KAT7: variants seen among roughly 807,000 people sequenced by gnomAD.
The protein encoded by KAT7 is histone acetyltransferase KAT7.
A neutral mutation model predicts 82.1 loss-of-function variants in KAT7; 10 were observed. The ratio of observed to expected loss-of-function variants is 0.12; its 90% confidence interval spans 0.08 to 0.21. The LOEUF is 0.21. KAT7 is among the 10% of genes least tolerant of loss of function. KAT7 has a pLI of 1.00. For missense variants in KAT7, 378 were observed against 760.9 expected (o/e 0.50, Z 5.92); for synonymous variants, 250 against 262.5 (o/e 0.95, Z 0.46).
intron 7 of KAT7, among the ~76,000 whole-genome samples, chr17:49,814,474 G>C (rs1378300983): frequency 6.6e-6 from 1 of 152,104 alleles, no homozygotes; most frequent in South Asian, 2.1e-4. Flanking sequence ...TGATTGTGAC[G>C]TTCCTTTGAT....
intron 1 of KAT7, among the ~76,000 whole-genome samples, chr17:49,790,391 T>C (rs1393414392): frequency 6.6e-6 from 1 of 152,174 alleles, no homozygotes; most frequent in Non-Finnish European, 1.5e-5. Context: ...GAGACGGGAT[T>C]TCACCATGTT....
intron 2 of KAT7, among the ~76,000 whole-genome samples, chr17:49,792,261 A>G (rs1426739965): frequency 6.6e-6 from 1 of 152,214 alleles, no homozygotes; most frequent in Non-Finnish European, 1.5e-5. Context: ...GGATGGTATA[A>G]TGGATAGAGA....
rs1306161778 is a variant in KAT7 at position 49,830,195 on chromosome 17, TTTTTTTTTTTTTTAA to T, written c.*2694_*2708del. 7.1e-6 allele frequency: 1 copy of T among 140,158 alleles called. No individual in the cohort carries two copies. The highest frequency in any genetic ancestry group is 1.5e-5 in the Non-Finnish European group (1 of 66,080). The allele number at this position is 140,158 out of a possible 1,614,324, so 8.7% of individuals were successfully genotyped here. A position where few individuals can be genotyped will look rare whatever the true frequency, so the allele number is the denominator to read the frequency against. ...ACCCGACCTATTTTTTTTTTTTTTT[TTTTTTTTTTTTTTAA>T]AAAAAGACAGTCTCACTCTATCATC... is the stretch of plus-strand genomic sequence containing the variant. On this transcript the variant is annotated 3_prime_UTR_variant, in exon 15 of 15. Transcript: ENST00000259021.
chr17:49,806,198 C>G lies in KAT7; in HGVS notation c.663+753C>G, dbSNP rs182810014. On this transcript the variant is annotated intron_variant, in intron 5 of 14. Transcript: ENST00000259021. ...TTTGTTGTTACTTTGCTAGTGACAC[C>G]AGGGTCACAGGTTTATTCCTGTCTG... Among the ~76,000 whole-genome samples, 29 of 152,306 alleles carry G rather than the reference C, an allele frequency of 1.9e-4. No homozygotes were observed. In the East Asian group the frequency reaches 4.4e-3, roughly 23 times the overall value.
At position 49,832,323 on chromosome 17, in the gene KAT7, T is replaced by C. The variant is rs1196478966; in HGVS notation, c.*4821T>C. 1 of 152,192 alleles carries C rather than the reference T, an allele frequency of 6.6e-6. No individual in the cohort carries two copies. Among genetic ancestry groups the C allele is most frequent in the Non-Finnish European group, 1.5e-5 (1 of 68,054 alleles). The allele number at this position is 152,192 out of a possible 1,614,324, so 9.4% of individuals were successfully genotyped here. Reference sequence around the variant, plus strand: ...TGATGCTTTTGACTTGTCCTCAACTTTGATTTGTACTGATTTGTCCCTATA... The same window carrying C: ...TGATGCTTTTGACTTGTCCTCAACTCTGATTTGTACTGATTTGTCCCTATA... On this transcript the variant is annotated 3_prime_UTR_variant, in exon 15 of 15. Coordinates refer to ENST00000259021, the MANE Select transcript of KAT7 (RefSeq NM_007067.5).
intron 2 of KAT7, among the ~76,000 whole-genome samples, chr17:49,793,406 G>C (rs962509966): frequency 1.3e-5 from 2 of 152,104 alleles, no homozygotes; most frequent in African/African-American, 4.8e-5. Context: ...GGCATCTGGG[G>C]TTAGATTTGG....
At chr17:49,811,617 T>TCAG (rs2074166808) in intron 7 of KAT7, 43 bp downstream of exon 7, 3 of 990,950 alleles carry the variant, frequency 3.0e-6, no homozygotes, top group Non-Finnish European at 4.3e-6. Context: ...ACTCCTGCTA[T>TCAG]CACATTTGAT....
intron 8 of KAT7, among the ~76,000 whole-genome samples, chr17:49,817,164 T>C (rs1441070774): frequency 6.6e-6 from 1 of 152,232 alleles, no homozygotes; most frequent in East Asian, 1.9e-4. Context: ...TTGTTTAGTT[T>C]TAGAATACTT....
At chr17:49,824,155 G>A (rs1427794492) in intron 12 of KAT7, among the ~76,000 whole-genome samples, 1 of 152,140 alleles carries the variant, frequency 6.6e-6, no homozygotes, top group Non-Finnish European at 1.5e-5. Flanking sequence ...AGGCTTGCAG[G>A]AACCTAACCC....
rs950685175 is a variant in KAT7 at position 49,831,462 on chromosome 17, A to T, written c.*3960A>T. 6.6e-6 allele frequency: 1 copy of T among 152,138 alleles called. No individual in the cohort carries two copies. The highest frequency in any genetic ancestry group is 2.4e-5 in the African/African-American group (1 of 41,400). The allele number at this position is 152,138 out of a possible 1,614,324, so 9.4% of individuals were successfully genotyped here. ...TTTTCTTCATTCCTCACCACAGCAC[A>T]GTAAGGTGGATATTATAGTCTTCTT... On this transcript the variant is annotated 3_prime_UTR_variant, in exon 15 of 15. Transcript: ENST00000259021.
intron 14 of KAT7, 115 bp from the exon 15 acceptor site, chr17:49,827,286 C>T: frequency 1.5e-6 from 1 of 671,748 alleles, no homozygotes; most frequent in African/African-American, 1.8e-5. Flanking sequence ...TTTTGATACC[C>T]TAATATGTTG....
rs1274946560 is a variant in KAT7 at position 49,832,928 on chromosome 17, A to G, written c.*5426A>G. ...GTTTTGCCTCAGCACTTTCTTTCAC[A>G]AAATTATGTGTGACTGCCTCCTCCA... is the stretch of plus-strand genomic sequence containing the variant. On this transcript the variant is annotated 3_prime_UTR_variant, in exon 15 of 15. Coordinates refer to ENST00000259021, the MANE Select transcript of KAT7 (RefSeq NM_007067.5). 6.6e-6 allele frequency: 1 copy of G among 152,182 alleles called. No homozygotes were observed. Among genetic ancestry groups the G allele is most frequent in the East Asian group, 1.9e-4 (1 of 5,206 alleles). The allele number at this position is 152,182 out of a possible 1,614,324, so 9.4% of individuals were successfully genotyped here.
At chr17:49,823,375 T>A in intron 12 of KAT7, 80 bp downstream of exon 12, 1 of 792,694 alleles carries the variant, frequency 1.3e-6, no homozygotes, top group Non-Finnish European at 2.2e-6. Flanking sequence ...CTGTGGTCTC[T>A]GCAATTCCTG....
intron 4 of KAT7, among the ~76,000 whole-genome samples, chr17:49,799,025 T>A (rs564787484): frequency 2.0e-5 from 3 of 152,360 alleles, no homozygotes; most frequent in Non-Finnish European, 4.4e-5. Context: ...TCTGTAACTT[T>A]AGTAGCTTAG....
intron 4 of KAT7, among the ~76,000 whole-genome samples, chr17:49,801,616 A>T (rs141696184): frequency 6.6e-6 from 1 of 152,042 alleles, no homozygotes; most frequent in Non-Finnish European, 1.5e-5. Context: ...CAGCCTCCCA[A>T]GTAGCTGGGA....
At chr17:49,790,449 G>A (rs572944090) in intron 1 of KAT7, among the ~76,000 whole-genome samples, 236 of 152,118 alleles carry the variant, frequency 1.6e-3, no homozygotes, top group Middle Eastern at 3.4e-3. Context: ...CACCCGCCTC[G>A]GCCTCCCAAA....
intron 4 of KAT7, among the ~76,000 whole-genome samples, chr17:49,804,102 G>A (rs372448149): frequency 7.2e-5 from 11 of 152,098 alleles, no homozygotes; most frequent in East Asian, 1.9e-4. Context: ...TGAATGGGCC[G>A]GGCGCGGTGG....
intron 6 of KAT7, among the ~76,000 whole-genome samples, chr17:49,809,978 T>C (rs538219191): frequency 6.6e-6 from 1 of 152,246 alleles, no homozygotes; most frequent in Non-Finnish European, 1.5e-5. Context: ...TAGATTATAG[T>C]TGGATAGCAG....
intron 2 of KAT7, among the ~76,000 whole-genome samples, chr17:49,792,810 G>T (rs1208786781): frequency 6.6e-6 from 1 of 152,114 alleles, no homozygotes; most frequent in East Asian, 1.9e-4. Flanking sequence ...GGTGTATAGC[G>T]GTTTTTTTTA....
Sources: allele counts gnomAD v4.1 joint callset (sites outside exome capture counted in the v4.1 genomes callset), GRCh38; gene constraint gnomAD v4.1.1; transcripts MANE v1.5; gene names NCBI Gene and HGNC (gene_info 2026-07-23, HGNC 2026-07-21).